The following PTPRS variants were observed in gnomAD, a reference collection of about 807,000 sequenced individuals.
PTPRS encodes the protein receptor-type tyrosine-protein phosphatase S.
A neutral mutation model predicts 215.3 loss-of-function variants in PTPRS; 63 were observed. That is an observed-to-expected ratio of 0.29 (90% CI 0.24 to 0.36). PTPRS has a LOEUF of 0.36. Ranked by LOEUF, PTPRS falls within the 10% of genes least tolerant of loss-of-function variation. The probability of loss-of-function intolerance (pLI) is 1.00; values close to 1 mark genes in which losing one functional copy is unlikely to be tolerated. For synonymous variants in PTPRS, 1,404 were observed against 1,191.4 expected (o/e 1.18, Z -3.68); for missense variants, 2,258 against 2,825.8 (o/e 0.80, Z 4.56).
At position 5,211,703 on chromosome 19, in the gene PTPRS, G is replaced by T. The variant is rs750656757; in HGVS notation, c.5121C>A (p.Phe1707Leu). The change falls in exon 33 of 38, where the codon TTC becomes TTA. Residue 1707 changes from phenylalanine (F) to leucine (L), a missense_variant. Coordinates refer to ENST00000262963, the MANE Select transcript of PTPRS (RefSeq NM_002850.4). The stretch of plus-strand genomic sequence containing the variant: ...GCATGATGTTCACCAGGCGGTTCTT[G>T]AACTTGTTACAAGGCAGATTGGCAC... ...FISANLPCNK[F>L]KNRLVNIMPY... 10 of 1,614,144 alleles carry T rather than the reference G, an allele frequency of 6.2e-6. No individual in the cohort carries two copies. The South Asian group carries it at 9.9e-5, about 16-fold the overall frequency.
intron 1 of PTPRS, among the ~76,000 whole-genome samples, chr19:5,314,824 C>T (rs547215629): frequency 1.3e-5 from 2 of 152,186 alleles, no homozygotes; most frequent in Non-Finnish European, 2.9e-5. Context: ...ACAGGGGCTT[C>T]AGATCAGGGG....
In PTPRS at chr19:5,238,918, C is replaced by T; in HGVS notation, c.1849+1G>A. On this transcript the variant is annotated splice_donor_variant, in intron 13 of 37. Transcript: ENST00000262963. LOFTEE classifies it high-confidence loss of function. Reference sequence around the variant, plus strand: ...GAAGGGCGGCCCCGCGAGACACCTACTGGACTGCAGCGTGCGCTGCCGCAC... The same window carrying T: ...GAAGGGCGGCCCCGCGAGACACCTATTGGACTGCAGCGTGCGCTGCCGCAC... 6.3e-7 allele frequency: 1 copy of T among 1,596,696 alleles called. No homozygotes were observed. The highest frequency in any genetic ancestry group is 8.5e-7 in the Non-Finnish European group (1 of 1,173,496).
At chr19:5,334,083 C>A (rs1200522187) in intron 1 of PTPRS, among the ~76,000 whole-genome samples, 6 of 152,152 alleles carry the variant, frequency 3.9e-5, no homozygotes, top group African/African-American at 1.2e-4. Flanking sequence ...TCCTCCCTGT[C>A]CACCATCCAG....
intron 13 of PTPRS, among the ~76,000 whole-genome samples, chr19:5,233,366 CCTA>C: frequency 6.6e-6 from 1 of 151,602 alleles, no homozygotes; most frequent in Admixed American, 6.6e-5. Flanking sequence ...CCATTAAGCA[CCTA>C]CTACGTGCCA....
At chr19:5,262,742 C>G (rs1002141014) in intron 6 of PTPRS, among the ~76,000 whole-genome samples, 7 of 152,192 alleles carry the variant, frequency 4.6e-5, no homozygotes, top group African/African-American at 1.7e-4. Context: ...CTCTTTTCCT[C>G]TTTTCCTTTG....
At chr19:5,245,025 G>A (rs2044357489) in intron 10 of PTPRS, among the ~76,000 whole-genome samples, 1 of 133,634 alleles carries the variant, frequency 7.5e-6, no homozygotes, top group Non-Finnish European at 1.6e-5. Flanking sequence ...TGTCACCCAG[G>A]CTGGAGTGCA....
At chr19:5,270,061 CAAGAG>C (rs1224832779) in intron 4 of PTPRS, among the ~76,000 whole-genome samples, 1 of 151,844 alleles carries the variant, frequency 6.6e-6, no homozygotes, top group Non-Finnish European at 1.5e-5. Flanking sequence ...TGGCTTGGGG[CAAGAG>C]AAGGCAGGTT....
In PTPRS at chr19:5,240,155, G is replaced by C. The variant is rs1420346954; in HGVS notation, c.1704+44C>G. 4 of 1,467,374 alleles carry C rather than the reference G, an allele frequency of 2.7e-6. No homozygotes were observed. In the South Asian group the frequency reaches 5.4e-5, roughly 20 times the overall value. The allele number at this position is 1,467,374 out of a possible 1,614,324, so 90.9% of individuals were successfully genotyped here. A position where few individuals can be genotyped will look rare whatever the true frequency, so the allele number is the denominator to read the frequency against. ...AGGCGGGCAGCGTCAGAGAGCGCCG[G>C]GGAGGAGCCCAGGGCAGGCCAGCCC... On this transcript the variant is annotated intron_variant, in intron 12 of 37. Coordinates refer to ENST00000262963, the MANE Select transcript of PTPRS (RefSeq NM_002850.4).
chr19:5,248,989 C>G (rs1309696487), intron 9 of PTPRS, among the ~76,000 whole-genome samples: 1 of 152,186 alleles, frequency 6.6e-6, no homozygotes, highest in African/African-American at 2.4e-5. Context: ...AGCTTCTCTA[C>G]CTTAAGGGAG....
rs1423947612 is a variant in PTPRS, at chr19:5,265,118, G to A, written c.458C>T (p.Thr153Ile). Residue 153 changes from threonine to isoleucine, a missense_variant, in exon 5 of 38, where the codon ACC (threonine) becomes ATC (isoleucine). Transcript: ENST00000262963. The stretch of plus-strand genomic sequence containing the variant: ...GTTGCCGCTGGCTGCACAGAGCATG[G>A]TGGCTGTCCGTGTCCGCTCCACCAC... ...LKVVERTRTATMLCAASGNPD... is the reference protein window; with the variant it reads ...LKVVERTRTAIMLCAASGNPD... 2 of 1,614,200 alleles carry A rather than the reference G, an allele frequency of 1.2e-6. No individual in the cohort carries two copies. Among genetic ancestry groups the A allele is most frequent in the Non-Finnish European group, 8.5e-7 (1 of 1,180,044 alleles).
intron 28 of PTPRS, among the ~76,000 whole-genome samples, 173 bp downstream of exon 28, chr19:5,215,116 G>A (rs1256570505): frequency 6.6e-6 from 1 of 152,026 alleles, no homozygotes; most frequent in Non-Finnish European, 1.5e-5. Context: ...AGCCATGTTA[G>A]AGAGAGCAGC....
chr19:5,331,481 T>A (rs1014920062), intron 1 of PTPRS, among the ~76,000 whole-genome samples: 4 of 152,098 alleles, frequency 2.6e-5, no homozygotes, highest in African/African-American at 9.7e-5. Flanking sequence ...GGTGGGGTCA[T>A]TATCTGGGAT....
At chr19:5,337,236 T>A (rs1184007654) in intron 1 of PTPRS, among the ~76,000 whole-genome samples, 1 of 152,210 alleles carries the variant, frequency 6.6e-6, no homozygotes, top group Non-Finnish European at 1.5e-5. Flanking sequence ...AAATATCCCT[T>A]TTTATTTTTA....
Position 5,221,034 on chromosome 19 carries a change from A to G in PTPRS, c.3421T>C (p.Tyr1141His). 6.2e-7 allele frequency: 1 copy of G among 1,613,278 alleles called. No homozygotes were observed. Among genetic ancestry groups the G allele is most frequent in the Non-Finnish European group, 8.5e-7 (1 of 1,179,688 alleles). Residue 1141 changes from tyrosine (Y) to histidine (H), a missense_variant, in exon 20 of 38, where the codon TAT (tyrosine) becomes CAT (histidine). Transcript: ENST00000262963. The part of the protein sequence containing the change: ...KPDADGFIMV[Y>H]LPDGQSPVPV... ...ACGGGGCTCTGGCCGTCAGGAAGAT[A>G]CACCATGATGAAGCCGTCAGCATCA...
Position 5,291,015 on chromosome 19 carries a change from G to T in PTPRS, c.-94-4781C>A, listed in dbSNP as rs117566643. ...TGGCCAAGCCACTGTCCCTCCCAGG[G>T]CGCCATTATCTCCCTATCAGGAAAT... On this transcript the variant is annotated intron_variant, in intron 1 of 37. Transcript: ENST00000262963. Among the ~76,000 whole-genome samples the T allele has an allele frequency of 5.5e-4, 83 of 152,222 alleles. No individual in the cohort carries two copies. The East Asian group carries it at 0.015, about 28-fold the overall frequency.
chr19:5,295,344 C>T lies in PTPRS; in HGVS notation c.-94-9110G>A, dbSNP rs1264888103. On this transcript the variant is annotated intron_variant, in intron 1 of 37. Coordinates refer to ENST00000262963, the MANE Select transcript of PTPRS (RefSeq NM_002850.4). The surrounding 1 kb of genome is among the most constrained non-coding windows in gnomAD (Gnocchi z 4.6). The stretch of plus-strand genomic sequence containing the variant: ...GCCAGCCGCTTCCCAGCCAGTCCTG[C>T]CCTCTCTGGGCCTCTTGTCCATGTC... Among the ~76,000 whole-genome samples, 1 of 152,230 alleles carries T rather than the reference C, an allele frequency of 6.6e-6. No homozygotes were observed. The highest frequency in any genetic ancestry group is 1.5e-5 in the Non-Finnish European group (1 of 68,028).
chr19:5,282,470 A>G (rs2047940522), intron 2 of PTPRS, among the ~76,000 whole-genome samples: 1 of 152,192 alleles, frequency 6.6e-6, no homozygotes, highest in Non-Finnish European at 1.5e-5. Flanking sequence ...CCATGTGCTA[A>G]GCTTTATGCC....
chr19:5,231,228 C>T (rs1008271077), intron 14 of PTPRS, 82 bp downstream of exon 14: 59 of 1,422,002 alleles, frequency 4.1e-5, no homozygotes, highest in Middle Eastern at 2.5e-4. Context: ...TGACCACCAG[C>T]CCAGGTTTCC....
At chr19:5,329,022 G>A (rs182223898) in intron 1 of PTPRS, among the ~76,000 whole-genome samples, 1 of 152,344 alleles carries the variant, frequency 6.6e-6, no homozygotes, top group African/African-American at 2.4e-5. Flanking sequence ...CTGATCTGGA[G>A]GGGCGGGTGA....
Sources: gnomAD v4.1 joint callset for allele counts (sites outside exome capture counted in the v4.1 genomes callset) on GRCh38, gnomAD v4.1.1 for gene constraint, Gnocchi (gnomAD v3.1) non-coding constraint, MANE v1.5 for transcripts, NCBI Gene and HGNC (gene_info 2026-07-23, HGNC 2026-07-21) for gene names.